The following PDGFRA variants were observed in gnomAD, a reference collection of about 807,000 sequenced individuals.
The protein encoded by PDGFRA is platelet-derived growth factor receptor alpha.
PDGFRA carries 25 observed loss-of-function variants against 121.5 expected under a neutral mutation model. That is an observed-to-expected ratio of 0.21 (90% confidence interval 0.15 to 0.29). The LOEUF (loss-of-function observed/expected upper bound fraction) is 0.29. Among genes scored for constraint, PDGFRA ranks in the 10% least tolerant of loss-of-function variants. The pLI, the probability that PDGFRA is intolerant of heterozygous loss-of-function variation, is 1.00. For synonymous variants in PDGFRA, 463 were observed against 494.8 expected, an observed-to-expected ratio of 0.94 and a Z score of 0.85; for missense variants, 1,008 against 1,345.1, an observed-to-expected ratio of 0.75 and a Z score of 3.92.
At chr4:54,277,151 T>G (rs1469036224) in intron 12 of PDGFRA, 3 of 551,566 alleles carry the variant, frequency 5.4e-6, no homozygotes, top group Non-Finnish European at 3.3e-6. Context: ...CACCCTCCTT[T>G]CTCCCGTCTG....
chr4:54,249,415 A>T (rs1560458065), intron 1 of PDGFRA, among the ~76,000 whole-genome samples: 1 of 152,266 alleles, frequency 6.6e-6, no homozygotes, highest in African/African-American at 2.4e-5. Context: ...CTGGATTAAG[A>T]AAATGTGGCA....
At chr4:54,282,298 A>G (rs1724120334) in intron 16 of PDGFRA, among the ~76,000 whole-genome samples, 1 of 152,180 alleles carries the variant, frequency 6.6e-6, no homozygotes, top group African/African-American at 2.4e-5. Context: ...AGGAATCAAG[A>G]TACTGGTAGA....
intron 16 of PDGFRA, among the ~76,000 whole-genome samples, chr4:54,284,397 T>C (rs546008729): frequency 1.3e-5 from 2 of 152,260 alleles, no homozygotes; most frequent in South Asian, 4.2e-4. Flanking sequence ...AAGAAATACC[T>C]GAGACTGAGT....
In PDGFRA at chr4:54,270,694, G is replaced by T. The variant is rs1354659434; in HGVS notation, c.1183G>T (p.Val395Leu). The T allele has an allele frequency of 1.9e-6, 3 of 1,612,058 alleles. No homozygotes were observed. Among genetic ancestry groups the T allele is most frequent in the Non-Finnish European group, 2.5e-6 (3 of 1,178,402 alleles). Residue 395 changes from valine (V) to leucine (L), a missense_variant, in exon 8 of 23, where the codon GTA (valine) becomes TTA (leucine). This residue lies in a region of PDGFRA where 575 missense variants were observed against 701.8 expected (regional missense o/e 0.82). Coordinates refer to ENST00000257290, the MANE Select transcript of PDGFRA (RefSeq NM_006206.6). ...AGAAGACAGTGGCCATTATACTATT[G>T]TAGCTCAAAATGAAGATGCTGTGAA... ...KEEDSGHYTI[V>L]AQNEDAVKSY...
intron 22 of PDGFRA, among the ~76,000 whole-genome samples, chr4:54,294,458 G>A (rs539503279): frequency 2.8e-4 from 43 of 152,222 alleles, no homozygotes; most frequent in Non-Finnish European, 4.9e-4. Context: ...AATTTGACAC[G>A]CCAGGAATTG....
chr4:54,235,625 G>A (rs532277075), intron 1 of PDGFRA, among the ~76,000 whole-genome samples: 1 of 152,336 alleles, frequency 6.6e-6, no homozygotes, highest in East Asian at 1.9e-4. Context: ...CAGGGTCATG[G>A]GAGTGGACTG....
intron 1 of PDGFRA, among the ~76,000 whole-genome samples, chr4:54,232,686 G>T (rs1402168740): frequency 6.6e-6 from 1 of 152,228 alleles, no homozygotes; most frequent in Non-Finnish European, 1.5e-5. Context: ...CCAGGTTCAA[G>T]CGATTCTCCT....
At chr4:54,247,779 A>G (rs1721777799) in intron 1 of PDGFRA, among the ~76,000 whole-genome samples, 1 of 152,178 alleles carries the variant, frequency 6.6e-6, no homozygotes, top group South Asian at 2.1e-4. Flanking sequence ...AGGAAGTCAA[A>G]TTGTCCCTGT....
intron 1 of PDGFRA, among the ~76,000 whole-genome samples, chr4:54,231,276 G>A (rs1720650555): frequency 6.6e-6 from 1 of 152,254 alleles, no homozygotes; most frequent in South Asian, 2.1e-4. Context: ...AAAAGCCGCG[G>A]GCTGGGCGGT....
At chr4:54,237,718 T>C (rs1721090757) in intron 1 of PDGFRA, among the ~76,000 whole-genome samples, 4 of 152,240 alleles carry the variant, frequency 2.6e-5, no homozygotes, top group Admixed American at 2.6e-4. Context: ...CCAGCCAGCA[T>C]TGTGTGAATT....
chr4:54,261,909 ATATATATATATATATATATATATTTT>A (rs986965077), intron 3 of PDGFRA, among the ~76,000 whole-genome samples: 7 of 51,226 alleles, frequency 1.4e-4, no homozygotes, highest in African/African-American at 3.5e-4. Context: ...ATATATATAT[ATATATATATATATATATATATATTTT>A]TTTTTTTTTT....
At chr4:54,280,680 A>T in intron 16 of PDGFRA, 198 bp downstream of exon 16, 1 of 454,292 alleles carries the variant, frequency 2.2e-6, no homozygotes, top group South Asian at 4.3e-5. Context: ...ATAAAAGCTG[A>T]CAATGTAACA....
Position 54,298,131 on chromosome 4 carries a change from T to C in PDGFRA, c.*2859T>C, listed in dbSNP as rs1045526118. On this transcript the variant is annotated 3_prime_UTR_variant, in exon 23 of 23. Coordinates refer to ENST00000257290, the MANE Select transcript of PDGFRA (RefSeq NM_006206.6). ...TGGTGAATGTGTGAGAAAAACTAACTTGATAGGGTCTACCAATACAAAATG... is the reference window on the plus strand; with the variant it reads ...TGGTGAATGTGTGAGAAAAACTAACCTGATAGGGTCTACCAATACAAAATG... The C allele has an allele frequency of 9.2e-6, 2 of 218,076 alleles. No homozygotes were observed. The highest frequency in any genetic ancestry group is 2.2e-5 in the African/African-American group (1 of 44,502). 13.5% of individuals were successfully genotyped at this position (218,076 alleles called of 1,614,324 possible).
At chr4:54,275,099 T>C (rs1723649105) in intron 12 of PDGFRA, 126 bp downstream of exon 12, 11 of 977,146 alleles carry the variant, frequency 1.1e-5, no homozygotes, top group Non-Finnish European at 1.6e-5. Context: ...GGAAATTTGC[T>C]TTCAGAAATA....
Position 54,290,155 on chromosome 4 carries a change from G to A in PDGFRA, c.2881-158G>A, listed in dbSNP as rs150472191. ...CCCCTTCTTCATGTTCTATGTCTCT[G>A]GGGATAGTTGACATGACTCTCCTTC... On this transcript the variant is annotated intron_variant, in intron 21 of 22. Coordinates refer to ENST00000257290, the MANE Select transcript of PDGFRA (RefSeq NM_006206.6). Among the ~76,000 whole-genome samples the A allele has an allele frequency of 1.9e-3, 289 of 152,328 alleles. 2 individuals carry two copies. The South Asian group carries it at 0.023, about 12-fold the overall frequency.
rs760595044 is a variant in PDGFRA at position 54,288,994 on chromosome 4, G to A, written c.2775-15G>A. The A allele has an allele frequency of 6.3e-7, 1 of 1,585,566 alleles. No individual in the cohort carries two copies. The highest frequency in any genetic ancestry group is 8.7e-7 in the Non-Finnish European group (1 of 1,154,016). ...GACTTCCCCCTGTGCCCACTCTTGA[G>A]TTCTGTCCCCACAGCTACGAGATCA... is the stretch of plus-strand genomic sequence containing the variant. On this transcript the variant is annotated splice_polypyrimidine_tract_variant and intron_variant, in intron 20 of 22. Coordinates refer to ENST00000257290, the MANE Select transcript of PDGFRA (RefSeq NM_006206.6).
At chr4:54,265,181 T>C in intron 5 of PDGFRA, 132 bp downstream of exon 5, 1 of 811,320 alleles carries the variant, frequency 1.2e-6, no homozygotes, top group Non-Finnish European at 2.1e-6. Context: ...ACCTCTGGGA[T>C]GAACACATTT....
At chr4:54,266,946 C>T (rs1317157480) in intron 5 of PDGFRA, among the ~76,000 whole-genome samples, 1 of 152,176 alleles carries the variant, frequency 6.6e-6, no homozygotes, top group Non-Finnish European at 1.5e-5. Context: ...TGTGCCACTG[C>T]ACTCCAGCCT....
At chr4:54,262,257 G>T (rs1184155832) in intron 3 of PDGFRA, among the ~76,000 whole-genome samples, 1 of 151,872 alleles carries the variant, frequency 6.6e-6, no homozygotes, top group East Asian at 1.9e-4. Context: ...TAGAGATAGG[G>T]TTTCACTGTG....
Sources: allele counts gnomAD v4.1 joint callset (sites outside exome capture counted in the v4.1 genomes callset), GRCh38; gene constraint gnomAD v4.1.1; regional missense constraint gnomAD v4.1.1; transcripts MANE v1.5; gene names NCBI Gene and HGNC (gene_info 2026-07-23, HGNC 2026-07-21).